GABPB2: variants seen among roughly 807,000 people sequenced by gnomAD.
The protein encoded by GABPB2 is GA-binding protein subunit beta-2.
A neutral mutation model predicts 39.1 loss-of-function variants in GABPB2; 23 were observed. That is an observed-to-expected ratio of 0.59 (90% CI 0.42 to 0.83). The LOEUF (loss-of-function observed/expected upper bound fraction) is 0.83, where lower values mean the gene tolerates loss of function less well. Ranked by LOEUF, GABPB2 falls within the 40% of genes least tolerant of loss-of-function variation. The probability of loss-of-function intolerance (pLI) is 0.00; values close to 1 mark genes in which losing one functional copy is unlikely to be tolerated. For synonymous variants in GABPB2, 184 were observed against 199.3 expected (o/e 0.92, Z 0.65); for missense variants, 467 against 541.1 (o/e 0.86, Z 1.36).
chr1:151,084,923 CTG>C (rs1678049898), intron 1 of GABPB2, among the ~76,000 whole-genome samples: 1 of 151,966 alleles, frequency 6.6e-6, no homozygotes, highest in African/African-American at 2.4e-5. Flanking sequence ...GTTGCAGACT[CTG>C]TCTCTACAAA....
intron 1 of GABPB2, among the ~76,000 whole-genome samples, chr1:151,086,753 C>T (rs1678233641): frequency 6.6e-6 from 1 of 152,046 alleles, no homozygotes. Flanking sequence ...CTGCAACCTC[C>T]ACCTCCTGAG....
At chr1:151,099,007 C>A (rs1679313450) in intron 5 of GABPB2, among the ~76,000 whole-genome samples, 3 of 150,610 alleles carry the variant, frequency 2.0e-5, no homozygotes, top group South Asian at 4.2e-4. Flanking sequence ...TCGCTTGAAC[C>A]TGGAAGGCGG....
chr1:151,118,342 C>CT lies in GABPB2; in HGVS notation c.*87dup, dbSNP rs754884993. 4.9e-4 allele frequency: 625 copies of CT among 1,269,826 alleles called. 9 individuals carry two copies. The highest frequency in any genetic ancestry group is 4.8e-3 in the Admixed American group (188 of 39,550). The allele number at this position is 1,269,826 out of a possible 1,614,324, so 78.7% of individuals were successfully genotyped here. ...ACAGAAGACAAACATTGTATAAAAA[C>CT]TAAGAGTGTCTTTAAGAAGAAAACT... On this transcript the variant is annotated 3_prime_UTR_variant, in exon 9 of 9. Coordinates refer to ENST00000368918, the MANE Select transcript of GABPB2 (RefSeq NM_144618.3).
rs1403052882 is a variant in GABPB2 at position 151,082,277 on chromosome 1, A to G, written c.1-5913A>G. On this transcript the variant is annotated intron_variant, in intron 1 of 8. Transcript: ENST00000368918. ...TTTTTAGTAGAGATGGGGTTTCACC[A>G]TGTTGGCCAGGCTGGTCTCAAACTC... 4.0e-5 allele frequency among the ~76,000 whole-genome samples: 6 copies of G among 148,612 alleles called. No homozygotes were observed. The Admixed American group carries it at 4.1e-4, about 10-fold the overall frequency.
chr1:151,077,984 A>G (rs781537792), intron 1 of GABPB2, among the ~76,000 whole-genome samples: 1 of 150,950 alleles, frequency 6.6e-6, no homozygotes, highest in Non-Finnish European at 1.5e-5. Context: ...AATAATAAAA[A>G]TAAAGGCCGG....
chr1:151,080,942 G>A (rs1239012603), intron 1 of GABPB2, among the ~76,000 whole-genome samples: 3 of 146,808 alleles, frequency 2.0e-5, no homozygotes, highest in African/African-American at 7.4e-5. Flanking sequence ...GCTCAATCTC[G>A]GCTCACTGCA....
At chr1:151,076,336 A>G (rs188860368) in intron 1 of GABPB2, among the ~76,000 whole-genome samples, 135 of 152,324 alleles carry the variant, frequency 8.9e-4, no homozygotes, top group Admixed American at 8.6e-3. Context: ...TCTTGTGAGC[A>G]GCAGCCAGAG....
intron 1 of GABPB2, among the ~76,000 whole-genome samples, chr1:151,086,496 A>C (rs748688836): frequency 1.8e-4 from 27 of 152,198 alleles, no homozygotes; most frequent in Non-Finnish European, 3.1e-4. Flanking sequence ...GTTAGTGCTA[A>C]TGTAAACATG....
intron 7 of GABPB2, among the ~76,000 whole-genome samples, chr1:151,110,395 A>G (rs1432460681): frequency 6.6e-6 from 1 of 152,072 alleles, no homozygotes; most frequent in Admixed American, 6.6e-5. Flanking sequence ...CTCTGCTTAT[A>G]ATGGAAATAA....
chr1:151,085,731 C>T (rs1678127849), intron 1 of GABPB2, among the ~76,000 whole-genome samples: 2 of 152,138 alleles, frequency 1.3e-5, no homozygotes, highest in African/African-American at 2.4e-5. Context: ...GGATTATAGG[C>T]GTGAGCCACT....
In GABPB2 at chr1:151,083,374, G is replaced by A. The variant is rs587703628; in HGVS notation, c.1-4816G>A. ...TGGCTGGGCGCGGTGGCTCACGCCT[G>A]TAATCCCAGCACTTTGGGAGGCTGA... On this transcript the variant is annotated intron_variant, in intron 1 of 8. Coordinates refer to ENST00000368918, the MANE Select transcript of GABPB2 (RefSeq NM_144618.3). 2.6e-5 allele frequency among the ~76,000 whole-genome samples: 4 copies of A among 152,328 alleles called. No individual in the cohort carries two copies. The South Asian group carries it at 6.2e-4, about 24-fold the overall frequency.
intron 1 of GABPB2, among the ~76,000 whole-genome samples, chr1:151,087,804 T>G (rs1678331359): frequency 6.6e-6 from 1 of 152,172 alleles, no homozygotes; most frequent in African/African-American, 2.4e-5. Context: ...GGCATCCACC[T>G]TGCTCCCTTC....
intron 1 of GABPB2, among the ~76,000 whole-genome samples, chr1:151,077,417 C>T (rs1211540153): frequency 7.4e-6 from 1 of 134,286 alleles, no homozygotes; most frequent in South Asian, 2.4e-4. Flanking sequence ...AGTGCAGTGG[C>T]GCAATCTCGG....
chr1:151,104,180 T>C (rs74127504), intron 6 of GABPB2, among the ~76,000 whole-genome samples: 4,830 of 152,302 alleles, frequency 0.032, 260 homozygotes, highest in African/African-American at 0.11. Context: ...ATATAGGCTA[T>C]GTATTGCCTT....
chr1:151,096,755 C>T (rs936381012), intron 4 of GABPB2, among the ~76,000 whole-genome samples: 10 of 152,056 alleles, frequency 6.6e-5, no homozygotes, highest in South Asian at 2.1e-4. Flanking sequence ...TTTCAATGGC[C>T]GAATGGAACA....
intron 1 of GABPB2, among the ~76,000 whole-genome samples, chr1:151,073,646 G>T (rs1241739068): frequency 6.6e-6 from 1 of 152,148 alleles, no homozygotes; most frequent in Non-Finnish European, 1.5e-5. Flanking sequence ...AGGAAGGCCG[G>T]CGCGGTGGCT....
chr1:151,116,416 AAC>A (rs1680874828), intron 7 of GABPB2, among the ~76,000 whole-genome samples: 1 of 151,440 alleles, frequency 6.6e-6, no homozygotes, highest in South Asian at 2.1e-4. Flanking sequence ...AAAAAAAAAA[AAC>A]AACTTTTAGC....
chr1:151,125,037 C>A lies in GABPB2; in HGVS notation c.*6781C>A, dbSNP rs187824669. 3 of 152,156 alleles carry A rather than the reference C, an allele frequency of 2.0e-5. No individual in the cohort carries two copies. The highest frequency in any genetic ancestry group is 6.6e-5 in the Admixed American group (1 of 15,246). The allele number at this position is 152,156 out of a possible 1,614,324, so 9.4% of individuals were successfully genotyped here. ...AGGCATTCGAATTTAGTTAGTAGGT[C>A]ATTTCTAATCTCTGGGCCTTGTCTT... is the stretch of plus-strand genomic sequence containing the variant. On this transcript the variant is annotated 3_prime_UTR_variant, in exon 9 of 9. Coordinates refer to ENST00000368918, the MANE Select transcript of GABPB2 (RefSeq NM_144618.3).
chr1:151,117,058 T>C (rs1680933393), intron 7 of GABPB2, among the ~76,000 whole-genome samples: 1 of 152,256 alleles, frequency 6.6e-6, no homozygotes, highest in Admixed American at 6.5e-5. Flanking sequence ...CAGTGCTCTA[T>C]TAATCCTTTT....
Sources: gnomAD v4.1 joint callset for allele counts (sites outside exome capture counted in the v4.1 genomes callset) on GRCh38, gnomAD v4.1.1 for gene constraint, MANE v1.5 for transcripts, NCBI Gene and HGNC (gene_info 2026-07-23, HGNC 2026-07-21) for gene names.